RUNX3: variants seen among roughly 807,000 people sequenced by gnomAD.
RUNX3 encodes the protein RUNX family transcription factor 3.
A neutral mutation model predicts 27.7 loss-of-function variants in RUNX3; 10 were observed. The observed-to-expected ratio is 0.36, with a 90% CI of 0.22 to 0.61. RUNX3 has a LOEUF of 0.61. Among genes scored for constraint, RUNX3 ranks in the 20% least tolerant of loss-of-function variants. RUNX3 has a pLI of 0.72. For missense variants in RUNX3, 469 were observed against 629.5 expected, an observed-to-expected ratio of 0.75 and a Z score of 2.73; for synonymous variants, 270 against 269.2, an observed-to-expected ratio of 1.00 and a Z score of -0.03.
rs1297476478 is a variant in RUNX3 at position 24,929,985 on chromosome 1, G to C, written c.-117C>G. ...CGAGAAGCGGGAAAGCAGAAGCGGC[G>C]GGGCCCGGGCCTCAGGGCGCAGGGG... On this transcript the variant is annotated 5_prime_UTR_variant, in exon 1 of 5. Transcript: ENST00000308873. 8.5e-7 allele frequency: 1 copy of C among 1,177,486 alleles called. No homozygotes were observed. Among genetic ancestry groups the C allele is most frequent in the African/African-American group, 1.6e-5 (1 of 61,884 alleles). 72.9% of individuals were successfully genotyped at this position (1,177,486 alleles called of 1,614,324 possible).
At chr1:24,954,893 A>G (rs1052564675) in intron 2 of RUNX3, among the ~76,000 whole-genome samples, 1 of 152,138 alleles carries the variant, frequency 6.6e-6, no homozygotes, top group African/African-American at 2.4e-5. Flanking sequence ...CCTGTGCATC[A>G]TGGGATGCTT....
intron 3 of RUNX3, among the ~76,000 whole-genome samples, chr1:24,914,202 A>G (rs1470171349): frequency 6.6e-6 from 1 of 152,218 alleles, no homozygotes; most frequent in African/African-American, 2.4e-5. Context: ...CCTCTTGGGA[A>G]AAGCAGAGTC....
intron 3 of RUNX3, among the ~76,000 whole-genome samples, chr1:24,915,322 G>C (rs1640868309): frequency 6.6e-6 from 1 of 152,148 alleles, no homozygotes; most frequent in Non-Finnish European, 1.5e-5. Context: ...TCCTAGGGAG[G>C]CTGAGGCAAG....
intron 2 of RUNX3, among the ~76,000 whole-genome samples, chr1:24,925,894 C>A (rs1641090061): frequency 6.6e-6 from 1 of 152,184 alleles, no homozygotes. Flanking sequence ...TCCCTCCCTG[C>A]AGGCCTGGGG....
chr1:24,963,950 C>T (rs565387011), intron 2 of RUNX3, among the ~76,000 whole-genome samples: 18 of 152,360 alleles, frequency 1.2e-4, no homozygotes, highest in African/African-American at 2.6e-4. Context: ...CCCCCTGCCC[C>T]GTGCAGGTCC....
At chr1:24,964,646 TTTA>T in exon 2 of RUNX3, 14 of 1,546,006 alleles carry the variant, frequency 9.1e-6, no homozygotes, top group Non-Finnish European at 1.2e-5. Flanking sequence ...TGGCTGTTGT[TTTA>T]TTTTTTTTTC....
At chr1:24,906,117 C>T (rs1640659975) in intron 4 of RUNX3, among the ~76,000 whole-genome samples, 1 of 152,224 alleles carries the variant, frequency 6.6e-6, no homozygotes, top group South Asian at 2.1e-4. Context: ...GGAACAATGT[C>T]AGTAGAGAGA....
rs1332246353 is a variant in RUNX3 at position 24,962,060 on chromosome 1, TC to T, written c.58+2453del. 6.6e-6 allele frequency: 1 copy of T among 152,180 alleles called. No homozygotes were observed. The highest frequency in any genetic ancestry group is 2.4e-5 in the African/African-American group (1 of 41,420). The allele number at this position is 152,180 out of a possible 1,614,324, so 9.4% of individuals were successfully genotyped here. A position where few individuals can be genotyped will look rare whatever the true frequency, so the allele number is the denominator to read the frequency against. On this transcript the variant is annotated intron_variant, in intron 2 of 6. Transcript: ENST00000338888. The surrounding 1 kb of genome is among the most constrained non-coding windows in gnomAD (Gnocchi z 4.5). ...CCTGGCCTCTAGCTGAAATTTAGCA[TC>T]ATATTCCATGGCGATTTTCCACCAG...
intron 2 of RUNX3, 87 bp from the exon 3 acceptor site, chr1:24,919,431 G>A (rs1640952332): frequency 3.6e-6 from 3 of 834,340 alleles, no homozygotes; most frequent in South Asian, 1.5e-5. Flanking sequence ...ACCCCTGGAA[G>A]CCCCTAACTG....
intron 2 of RUNX3, among the ~76,000 whole-genome samples, chr1:24,959,659 A>G (rs1433922789): frequency 1.3e-5 from 2 of 152,154 alleles, no homozygotes; most frequent in Non-Finnish European, 2.9e-5. Context: ...CGGAAAGGAT[A>G]CAGTGACTGA....
intron 1 of RUNX3, 69 bp downstream of exon 1, chr1:24,929,518 C>G (rs1316956674): frequency 4.8e-6 from 7 of 1,457,886 alleles, no homozygotes; most frequent in Non-Finnish European, 6.5e-6. Context: ...TCCCGAGGCT[C>G]TGGCTCCCGC....
At chr1:24,937,443 G>A (rs776886539) in intron 2 of RUNX3, among the ~76,000 whole-genome samples, 3 of 152,162 alleles carry the variant, frequency 2.0e-5, no homozygotes, top group Admixed American at 6.5e-5. Flanking sequence ...ACCCAATCCC[G>A]GGGAGTAGGG....
chr1:24,930,234 C>G lies in RUNX3; in HGVS notation c.-366G>C, dbSNP rs1250883205. On this transcript the variant is annotated 5_prime_UTR_variant, in exon 1 of 5. Transcript: ENST00000308873. The surrounding 1 kb of genome is among the most constrained non-coding windows in gnomAD (Gnocchi z 4.1). ...AAGCTCGCCCGCGGCCGCCCCGACT[C>G]CGCGGCCGCAGCCCCAGAACAAATC... is the stretch of plus-strand genomic sequence containing the variant. The G allele has an allele frequency of 3.1e-6, 3 of 982,918 alleles. No individual in the cohort carries two copies. The highest frequency in any genetic ancestry group is 3.6e-6 in the Non-Finnish European group (3 of 828,924). The allele number at this position is 982,918 out of a possible 1,614,324, so 60.9% of individuals were successfully genotyped here.
In RUNX3 at chr1:24,901,921, G is replaced by A. The variant is rs74060466; in HGVS notation, c.*201C>T. On this transcript the variant is annotated 3_prime_UTR_variant, in exon 5 of 5. Coordinates refer to ENST00000308873, the MANE Select transcript of RUNX3 (RefSeq NM_004350.3). The stretch of plus-strand genomic sequence containing the variant: ...CGGGGGCAGTATCCCGGGCCGGGGT[G>A]GGGGTGGTAACCTATGCCTCTGTAC... 5 of 537,522 alleles carry A rather than the reference G, an allele frequency of 9.3e-6. No individual in the cohort carries two copies. Among genetic ancestry groups the A allele is most frequent in the Non-Finnish European group, 1.6e-5 (5 of 306,824 alleles). 33.3% of individuals were successfully genotyped at this position (537,522 alleles called of 1,614,324 possible).
At chr1:24,959,320 G>A (rs1268165915) in intron 2 of RUNX3, among the ~76,000 whole-genome samples, 1 of 152,094 alleles carries the variant, frequency 6.6e-6, no homozygotes, top group Non-Finnish European at 1.5e-5. Flanking sequence ...GTGGGCAGTG[G>A]GGGGCTCCTA....
chr1:24,911,912 G>A (rs913929954), intron 3 of RUNX3, among the ~76,000 whole-genome samples: 3 of 152,216 alleles, frequency 2.0e-5, no homozygotes, highest in African/African-American at 7.2e-5. Flanking sequence ...TCCCGGAGGA[G>A]GGGAGTCCAA....
chr1:24,916,703 A>G lies in RUNX3; in HGVS notation c.544+2537T>C, dbSNP rs57931142. On this transcript the variant is annotated intron_variant, in intron 3 of 4. Coordinates refer to ENST00000308873, the MANE Select transcript of RUNX3 (RefSeq NM_004350.3). The surrounding 1 kb of genome is among the most constrained non-coding windows in gnomAD (Gnocchi z 4.8). Reference sequence around the variant, plus strand: ...GGGCCAGGATATGCCAGGGACAGGAACAGGCAGGTCCTAAGGATGGGGGAC... The same window carrying G: ...GGGCCAGGATATGCCAGGGACAGGAGCAGGCAGGTCCTAAGGATGGGGGAC... 0.13 allele frequency among the ~76,000 whole-genome samples: 19,709 copies of G among 152,104 alleles called. 3,434 individuals carry two copies. Among genetic ancestry groups the G allele is most frequent in the African/African-American group, 0.4 (16,428 of 41,428 alleles).
At chr1:24,950,453 T>C (rs1641730795) in intron 2 of RUNX3, among the ~76,000 whole-genome samples, 1 of 152,218 alleles carries the variant, frequency 6.6e-6, no homozygotes, top group Non-Finnish European at 1.5e-5. Context: ...CCAGGCATGC[T>C]GCACTAGCCC....
intron 1 of RUNX3, among the ~76,000 whole-genome samples, chr1:24,928,559 G>A (rs895786282): frequency 6.6e-6 from 1 of 152,232 alleles, no homozygotes; most frequent in African/African-American, 2.4e-5. Context: ...AGGAGAAAAT[G>A]TTTGGGATCT....
Sources: allele counts gnomAD v4.1 joint callset (sites outside exome capture counted in the v4.1 genomes callset), GRCh38; gene constraint gnomAD v4.1.1; non-coding constraint Gnocchi (gnomAD v3.1); transcripts MANE v1.5; gene names NCBI Gene and HGNC (gene_info 2026-07-23, HGNC 2026-07-21).